Variants in KRT86 observed in about 807,000 individuals in gnomAD.
The protein encoded by KRT86 is keratin 86.
In KRT86, 30 loss-of-function variants were observed where a neutral mutation model predicts 41.2. The ratio of observed to expected loss-of-function variants is 0.73; its 90% CI spans 0.54 to 0.99. The LOEUF (loss-of-function observed/expected upper bound fraction) is 0.99. KRT86 is among the 50% of genes least tolerant of loss of function. The pLI is 0.00. For missense variants in KRT86, 561 were observed against 571.4 expected (o/e 0.98, Z 0.19); for synonymous variants, 238 against 238.1 (o/e 1.00, Z 0.00).
chr12:52,304,849 T>C (rs1938465626), intron 5 of KRT86, 83 bp from the exon 6 acceptor site: 1 of 1,470,994 alleles, frequency 6.8e-7, no homozygotes, highest in Non-Finnish European at 9.5e-7. Flanking sequence ...TTCCCCAGGC[T>C]TCATGGAATG....
chr12:52,308,330 G>T, intron 10 of KRT86, 66 bp downstream of exon 10: 1 of 1,613,114 alleles, frequency 6.2e-7, no homozygotes, highest in Non-Finnish European at 8.5e-7. Flanking sequence ...CAAAGGGCGC[G>T]TGGGCTCGCA....
chr12:52,307,182 A>C (rs1405940476), intron 9 of KRT86: 1 of 152,192 alleles, frequency 6.6e-6, no homozygotes, highest in African/African-American at 2.4e-5. Flanking sequence ...TGACCATATG[A>C]CGAGATTTCC....
chr12:52,293,076 C>T (rs563976793), intron 2 of KRT86, among the ~76,000 whole-genome samples: 13 of 152,322 alleles, frequency 8.5e-5, no homozygotes, highest in Non-Finnish European at 1.8e-4. Flanking sequence ...ATTGCTTGAA[C>T]CCAGGAGATG....
At chr12:52,288,793 G>A (rs2078034373) in intron 2 of KRT86, among the ~76,000 whole-genome samples, 1 of 151,974 alleles carries the variant, frequency 6.6e-6, no homozygotes, top group South Asian at 2.1e-4. Context: ...TGCTCCAAGA[G>A]CCCAGTGGCT....
intron 2 of KRT86, among the ~76,000 whole-genome samples, chr12:52,284,054 C>T (rs565139693): frequency 1.3e-5 from 2 of 152,138 alleles, no homozygotes; most frequent in African/African-American, 2.4e-5. Context: ...TAAGGCCCAG[C>T]TAGGCTGAAG....
At chr12:52,288,053 C>A in intron 2 of KRT86, 1 of 1,614,226 alleles carries the variant, frequency 6.2e-7, no homozygotes, top group Non-Finnish European at 8.5e-7. Context: ...GTGCCTTAAT[C>A]TCGGCAATGA....
At chr12:52,281,151 T>G (rs1937763569) in intron 2 of KRT86, among the ~76,000 whole-genome samples, 1 of 152,192 alleles carries the variant, frequency 6.6e-6, no homozygotes. Flanking sequence ...AACTGCCCAG[T>G]GCATTTATGG....
intron 9 of KRT86, 33 bp from the exon 10 acceptor site, chr12:52,308,200 G>T (rs1224941181): frequency 6.2e-7 from 1 of 1,614,050 alleles, no homozygotes; most frequent in Non-Finnish European, 8.5e-7. Flanking sequence ...CGCCTTTTCC[G>T]CGGCACTGAC....
At chr12:52,301,719 T>C in intron 2 of KRT86, 194 bp from the exon 3 acceptor site, 2 of 1,025,086 alleles carry the variant, frequency 2.0e-6, no homozygotes, top group Non-Finnish European at 2.9e-6. Flanking sequence ...ATTAAGTACA[T>C]TAAGTGGGGA....
chr12:52,283,517 T>G, intron 2 of KRT86, among the ~76,000 whole-genome samples: 1 of 130,386 alleles, frequency 7.7e-6, no homozygotes, highest in Non-Finnish European at 1.6e-5. Context: ...TCGCTCTTGT[T>G]GCCCAGGCTG....
At chr12:52,284,376 G>A (rs994915506) in intron 2 of KRT86, among the ~76,000 whole-genome samples, 1 of 152,140 alleles carries the variant, frequency 6.6e-6, no homozygotes, top group African/African-American at 2.4e-5. Flanking sequence ...ATTTTATAGA[G>A]ATAGAGTCTC....
intron 2 of KRT86, among the ~76,000 whole-genome samples, chr12:52,300,703 G>A (rs945408708): frequency 2.0e-5 from 3 of 152,240 alleles, no homozygotes; most frequent in East Asian, 1.9e-4. Flanking sequence ...GAGTTTCAAG[G>A]AGTATAGTGC....
At chr12:52,283,159 G>C (rs185194841) in intron 2 of KRT86, among the ~76,000 whole-genome samples, 147 of 152,186 alleles carry the variant, frequency 9.7e-4, no homozygotes, top group African/African-American at 3.4e-3. Context: ...ACTTTGGGAG[G>C]CTGAGGTGGG....
At chr12:52,295,364 C>T (rs1469799986) in intron 2 of KRT86, among the ~76,000 whole-genome samples, 1 of 152,164 alleles carries the variant, frequency 6.6e-6, no homozygotes, top group African/African-American at 2.4e-5. Flanking sequence ...GCTCAGGTTG[C>T]ATGTTAGTAG....
Position 52,305,088 on chromosome 12 carries a change from G to T in KRT86, c.735+61G>T, listed in dbSNP as rs1938474585. On this transcript the variant is annotated intron_variant, in intron 6 of 10. Transcript: ENST00000423955. ...CAGCAGAGAGGAGAGATGGGGGTGG[G>T]AGTGTTGGACAGGATGTGGGTAGAG... 5 of 1,610,130 alleles carry T rather than the reference G, an allele frequency of 3.1e-6. No homozygotes were observed. In the South Asian group the frequency reaches 5.5e-5, roughly 18 times the overall value.
At position 52,301,899 on chromosome 12, in the gene KRT86, T is replaced by A. The variant is rs1938387661; in HGVS notation, c.-4-14T>A. ...ACGTCTCCATCCTCAGAACCTCCTC[T>A]CTTCCCCAAAAAGCACCATGACTTG... On this transcript the variant is annotated splice_polypyrimidine_tract_variant and intron_variant, in intron 2 of 10. Coordinates refer to ENST00000423955, the MANE Select transcript of KRT86 (RefSeq NM_001320198.2). 6.2e-7 allele frequency: 1 copy of A among 1,613,666 alleles called. No individual in the cohort carries two copies. The highest frequency in any genetic ancestry group is 1.7e-5 in the Admixed American group (1 of 59,998).
At position 52,308,216 on chromosome 12, in the gene KRT86, G is replaced by T. The variant is rs377042747; in HGVS notation, c.1248-17G>T. 11 of 1,614,128 alleles carry T rather than the reference G, an allele frequency of 6.8e-6. No homozygotes were observed. Among genetic ancestry groups the T allele is most frequent in the Non-Finnish European group, 9.3e-6 (11 of 1,180,034 alleles). On this transcript the variant is annotated splice_polypyrimidine_tract_variant and intron_variant, in intron 9 of 10. Coordinates refer to ENST00000423955, the MANE Select transcript of KRT86 (RefSeq NM_001320198.2). ...GCCTTTTCCGCGGCACTGACCTCTCGCCTTCTCTCCCTGCAGGCTGTGCGA... is the reference window on the plus strand; with the variant it reads ...GCCTTTTCCGCGGCACTGACCTCTCTCCTTCTCTCCCTGCAGGCTGTGCGA...
chr12:52,284,519 A>G (rs560389166), intron 2 of KRT86, among the ~76,000 whole-genome samples: 1 of 152,326 alleles, frequency 6.6e-6, no homozygotes, highest in African/African-American at 2.4e-5. Context: ...GTGTGATGTC[A>G]CAGCATACAG....
At chr12:52,275,775 C>T (rs1166822494) in intron 1 of KRT86, 46 bp from the exon 2 acceptor site, 1 of 949,344 alleles carries the variant, frequency 1.1e-6, no homozygotes, top group Non-Finnish European at 1.3e-6. Context: ...CCTGTCTGGC[C>T]TCCTCACCTC....
Sources: allele counts gnomAD v4.1 joint callset (sites outside exome capture counted in the v4.1 genomes callset), GRCh38; gene constraint gnomAD v4.1.1; transcripts MANE v1.5; gene names NCBI Gene and HGNC (gene_info 2026-07-23, HGNC 2026-07-21).